Variants in SLC5A4 observed in about 807,000 individuals in gnomAD.
The protein encoded by SLC5A4 is solute carrier family 5 member 4, also known as probable glucose sensor protein SLC5A4.
In SLC5A4, 55 loss-of-function variants were observed where a neutral mutation model predicts 70.3. That is an observed-to-expected ratio of 0.78 (90% CI 0.63 to 0.98). The LOEUF is 0.98. SLC5A4 is among the 50% of genes least tolerant of loss of function. The pLI, the probability that SLC5A4 is intolerant of heterozygous loss-of-function variation, is 0.00. For missense variants in SLC5A4, 735 were observed against 839.2 expected (o/e 0.88, Z 1.53); for synonymous variants, 268 against 305.7 (o/e 0.88, Z 1.29).
At chr22:32,282,570 G>T in the SLC5A4 span, among the ~76,000 whole-genome samples, 1 of 152,110 alleles carries the variant, frequency 6.6e-6, no homozygotes, top group Non-Finnish European at 1.5e-5. Context: ...CCTGCCTTGG[G>T]CTTTTAAATG....
the SLC5A4 span, among the ~76,000 whole-genome samples, chr22:32,331,168 G>A: frequency 7.8e-6 from 1 of 128,224 alleles, no homozygotes; most frequent in Non-Finnish European, 1.6e-5. Flanking sequence ...TGTGTGTTGG[G>A]GGGCTCTGGT....
the SLC5A4 span, among the ~76,000 whole-genome samples, chr22:32,333,202 C>CCG: frequency 1.3e-5 from 2 of 148,832 alleles, no homozygotes; most frequent in Non-Finnish European, 3.0e-5. Context: ...TGGCACCCCC[C>CCG]CCCCAGAAGA....
intron 11 of SLC5A4, among the ~76,000 whole-genome samples, chr22:32,228,164 G>A (rs1272231261): frequency 1.3e-5 from 2 of 152,152 alleles, no homozygotes; most frequent in Non-Finnish European, 2.9e-5. Flanking sequence ...CTCACTTGGT[G>A]ACACATCTCT....
the SLC5A4 span, among the ~76,000 whole-genome samples, chr22:32,343,586 G>A: frequency 6.6e-6 from 1 of 152,110 alleles, no homozygotes; most frequent in African/African-American, 2.4e-5. Flanking sequence ...CTTAGCTACT[G>A]TTAGTTAGAT....
the SLC5A4 span, among the ~76,000 whole-genome samples, chr22:32,328,526 T>G: frequency 1.3e-5 from 2 of 152,166 alleles, no homozygotes; most frequent in African/African-American, 4.8e-5. Context: ...GCCCACCCAG[T>G]GAGCAACTGA....
chr22:32,353,552 C>T, the SLC5A4 span, among the ~76,000 whole-genome samples: 2 of 152,040 alleles, frequency 1.3e-5, no homozygotes, highest in African/African-American at 2.4e-5. Flanking sequence ...TCTGACCACC[C>T]GTCACTGACA....
chr22:32,268,407 A>G, the SLC5A4 span: 1 of 152,144 alleles, frequency 6.6e-6, no homozygotes, highest in Non-Finnish European at 1.5e-5. Context: ...GCATCAGTTC[A>G]CTTCTGAAGG....
chr22:32,304,557 G>A, the SLC5A4 span, among the ~76,000 whole-genome samples: 2 of 152,198 alleles, frequency 1.3e-5, no homozygotes, highest in Non-Finnish European at 2.9e-5. Context: ...GGAATGACAG[G>A]TGCAAGCCAC....
chr22:32,225,931 A>C (rs1925372844), intron 11 of SLC5A4, 108 bp from the exon 12 acceptor site: 1 of 753,938 alleles, frequency 1.3e-6, no homozygotes. Context: ...GATTTTCCAA[A>C]CAAAATCAAG....
chr22:32,305,813 G>T, the SLC5A4 span, among the ~76,000 whole-genome samples: 1 of 151,556 alleles, frequency 6.6e-6, no homozygotes, highest in Non-Finnish European at 1.5e-5. Flanking sequence ...AAGGCATGCC[G>T]TCTGCAGTGA....
At chr22:32,269,904 G>A in the SLC5A4 span, 165 of 551,914 alleles carry the variant, frequency 3.0e-4, 1 homozygote, top group East Asian at 1.3e-3. This position sits in a 1 kb window ranked among gnomAD's most constrained non-coding sequence, Gnocchi z 4.1. Flanking sequence ...TTGACAAGGC[G>A]GCCACCAGCG....
the SLC5A4 span, among the ~76,000 whole-genome samples, chr22:32,334,566 C>T: frequency 1.3e-5 from 2 of 152,198 alleles, no homozygotes; most frequent in Non-Finnish European, 2.9e-5. Flanking sequence ...TGGCCTCTCA[C>T]CAAAACCCCC....
the SLC5A4 span, among the ~76,000 whole-genome samples, chr22:32,343,593 A>AC: frequency 6.6e-6 from 1 of 152,232 alleles, no homozygotes. Context: ...ACTGTTAGTT[A>AC]GATTTTCATT....
chr22:32,280,677 C>T, the SLC5A4 span, among the ~76,000 whole-genome samples: 203 of 152,310 alleles, frequency 1.3e-3, no homozygotes, highest in African/African-American at 4.7e-3. Context: ...AACTGCTCAA[C>T]ACATTACAGG....
the SLC5A4 span, among the ~76,000 whole-genome samples, chr22:32,332,637 G>A: frequency 6.6e-6 from 1 of 152,206 alleles, no homozygotes; most frequent in Non-Finnish European, 1.5e-5. Context: ...TCAACAGGGA[G>A]CTGTGTCAGT....
chr22:32,289,998 G>A, the SLC5A4 span, among the ~76,000 whole-genome samples: 8 of 152,082 alleles, frequency 5.3e-5, no homozygotes, highest in South Asian at 2.1e-4. Flanking sequence ...TATGATTGGC[G>A]TGGTTTCTAG....
At chr22:32,337,172 C>G in the SLC5A4 span, among the ~76,000 whole-genome samples, 1 of 152,218 alleles carries the variant, frequency 6.6e-6, no homozygotes, top group Admixed American at 6.5e-5. Context: ...CCAGGACCAC[C>G]TTGCCTCTTG....
At chr22:32,291,912 A>G in the SLC5A4 span, among the ~76,000 whole-genome samples, 1 of 139,694 alleles carries the variant, frequency 7.2e-6, no homozygotes, top group African/African-American at 2.6e-5. Context: ...TCATTCTGTC[A>G]CTCAGGCTGG....
the SLC5A4 span, among the ~76,000 whole-genome samples, chr22:32,306,913 T>G: frequency 6.6e-6 from 1 of 152,158 alleles, no homozygotes; most frequent in African/African-American, 2.4e-5. Flanking sequence ...GAAGAGGCGC[T>G]CTCTCTTGGG....
Sources: allele counts gnomAD v4.1 joint callset (sites outside exome capture counted in the v4.1 genomes callset), GRCh38; gene constraint gnomAD v4.1.1; non-coding constraint Gnocchi (gnomAD v3.1); transcripts MANE v1.5; gene names NCBI Gene and HGNC (gene_info 2026-07-23, HGNC 2026-07-21).